TSC22D1: variants seen among roughly 807,000 people sequenced by gnomAD.
TSC22D1 encodes TSC22 domain family protein 1.
In TSC22D1, 9 loss-of-function variants were observed where a neutral mutation model predicts 74.2. The ratio of observed to expected loss-of-function variants is 0.12; its 90% CI spans 0.07 to 0.21. The LOEUF (loss-of-function observed/expected upper bound fraction) is 0.21, where lower values mean the gene tolerates loss of function less well. Among genes scored for constraint, TSC22D1 ranks in the 10% least tolerant of loss-of-function variants. The probability of loss-of-function intolerance (pLI) is 1.00; values close to 1 mark genes in which losing one functional copy is unlikely to be tolerated. For missense variants in TSC22D1, 1,427 were observed against 1,304.7 expected (o/e 1.09, Z -1.44); for synonymous variants, 586 against 492.5 (o/e 1.19, Z -2.51).
intron 1 of TSC22D1, chr13:44,537,607 A>C: frequency 1.0e-6 from 1 of 984,596 alleles, no homozygotes; most frequent in Non-Finnish European, 1.2e-6. Context: ...TGTTTTTTTT[A>C]ATTTATATGT....
At chr13:44,493,861 C>T (rs1009746337) in intron 1 of TSC22D1, among the ~76,000 whole-genome samples, 1 of 152,168 alleles carries the variant, frequency 6.6e-6, no homozygotes, top group Non-Finnish European at 1.5e-5. Flanking sequence ...TCTGTCAAAA[C>T]AATTGCTAAC....
intron 1 of TSC22D1, among the ~76,000 whole-genome samples, chr13:44,515,511 C>T (rs1453810118): frequency 6.6e-6 from 1 of 151,196 alleles, no homozygotes; most frequent in African/African-American, 2.4e-5. Flanking sequence ...AATCTCGGTT[C>T]TCTGCAGCCT....
chr13:44,492,764 T>C (rs1878785853), intron 1 of TSC22D1, among the ~76,000 whole-genome samples: 2 of 152,202 alleles, frequency 1.3e-5, no homozygotes, highest in Non-Finnish European at 2.9e-5. Context: ...AAGTTTGGTA[T>C]TAGATTCACA....
At chr13:44,556,709 T>C (rs1435103596) in intron 1 of TSC22D1, among the ~76,000 whole-genome samples, 2 of 151,712 alleles carry the variant, frequency 1.3e-5, no homozygotes, top group Admixed American at 6.6e-5. Flanking sequence ...CTACTAAAAA[T>C]ACAAAAACTA....
intron 1 of TSC22D1, among the ~76,000 whole-genome samples, chr13:44,522,591 T>C (rs1264899718): frequency 6.6e-6 from 1 of 152,158 alleles, no homozygotes; most frequent in African/African-American, 2.4e-5. Context: ...GACAATTCAG[T>C]GGAGAAGGAA....
At chr13:44,559,867 T>A (rs1044999558) in intron 1 of TSC22D1, among the ~76,000 whole-genome samples, 2 of 151,982 alleles carry the variant, frequency 1.3e-5, no homozygotes, top group African/African-American at 4.8e-5. Context: ...CATTTTTGTA[T>A]TTTTAGTAGA....
intron 1 of TSC22D1, among the ~76,000 whole-genome samples, chr13:44,552,160 T>A (rs1296747113): frequency 6.6e-6 from 1 of 152,222 alleles, no homozygotes; most frequent in Non-Finnish European, 1.5e-5. Flanking sequence ...TAACCATCTT[T>A]TAGCCCCAAA....
chr13:44,576,180 T>A lies in TSC22D1; in HGVS notation c.-106A>T. The A allele has an allele frequency of 1.4e-6, 2 of 1,394,070 alleles. No individual in the cohort carries two copies. The highest frequency in any genetic ancestry group is 1.9e-6 in the Non-Finnish European group (2 of 1,065,434). The allele number at this position is 1,394,070 out of a possible 1,614,324, so 86.4% of individuals were successfully genotyped here. ...GGAAAACGGGACCTGACGCTCCGCC[T>A]GGCGCGATTCCTCCTTCTCCTCCTC... On this transcript the variant is annotated 5_prime_UTR_variant, in exon 1 of 3. Coordinates refer to ENST00000458659, the MANE Select transcript of TSC22D1 (RefSeq NM_183422.4).
At chr13:44,521,400 G>T (rs1385932000) in intron 1 of TSC22D1, among the ~76,000 whole-genome samples, 1 of 151,724 alleles carries the variant, frequency 6.6e-6, no homozygotes, top group Non-Finnish European at 1.5e-5. Flanking sequence ...ATTAAATACA[G>T]CTCATTCTTA....
chr13:44,571,921 G>A (rs1883793310), intron 1 of TSC22D1, among the ~76,000 whole-genome samples: 1 of 152,014 alleles, frequency 6.6e-6, no homozygotes, highest in African/African-American at 2.4e-5. Context: ...AAACCTCACT[G>A]AAACATTTGA....
At chr13:44,503,615 A>G (rs1459273139) in intron 1 of TSC22D1, among the ~76,000 whole-genome samples, 1 of 152,202 alleles carries the variant, frequency 6.6e-6, no homozygotes, top group East Asian at 1.9e-4. Flanking sequence ...AGAATAGAAA[A>G]GTCTTTCAGT....
intron 1 of TSC22D1, 101 bp downstream of exon 1, chr13:44,573,057 AAACAC>A: frequency 6.9e-7 from 1 of 1,446,662 alleles, no homozygotes; most frequent in South Asian, 1.5e-5. Context: ...TTCACATACA[AAACAC>A]AATATACAAT....
chr13:44,469,543 T>C (rs1323836851), intron 1 of TSC22D1, among the ~76,000 whole-genome samples: 1 of 152,186 alleles, frequency 6.6e-6, no homozygotes, highest in Non-Finnish European at 1.5e-5. Flanking sequence ...AAGTTCAGAG[T>C]TAGTTTTAGA....
intron 1 of TSC22D1, among the ~76,000 whole-genome samples, chr13:44,465,818 C>A (rs1428497081): frequency 6.6e-6 from 1 of 152,030 alleles, no homozygotes; most frequent in Non-Finnish European, 1.5e-5. Context: ...ACTAAAAATA[C>A]AAAAATTAGC....
intron 1 of TSC22D1, among the ~76,000 whole-genome samples, chr13:44,498,524 A>G (rs1879078319): frequency 1.3e-5 from 2 of 152,218 alleles, no homozygotes; most frequent in Admixed American, 6.5e-5. Flanking sequence ...GTTGGTATAC[A>G]GTTATACCAC....
chr13:44,474,491 T>A lies in TSC22D1; in HGVS notation c.2913-38396A>T, dbSNP rs376651226. On this transcript the variant is annotated intron_variant, in intron 1 of 2. Transcript: ENST00000458659. ...TTTCAAGCATTTTAAAAGGCATGGG[T>A]GATTTTCTTTAGGTTTTCTTAGAGT... Among the ~76,000 whole-genome samples the A allele has an allele frequency of 9.1e-4, 139 of 152,334 alleles. 2 individuals are homozygous for A. Among genetic ancestry groups the A allele is most frequent in the African/African-American group, 3.3e-3 (136 of 41,574 alleles).
At chr13:44,496,057 GA>G (rs1304089849) in intron 1 of TSC22D1, among the ~76,000 whole-genome samples, 1 of 152,088 alleles carries the variant, frequency 6.6e-6, no homozygotes, top group Non-Finnish European at 1.5e-5. Flanking sequence ...AAATATTTGT[GA>G]ATTGTATAAG....
intron 1 of TSC22D1, among the ~76,000 whole-genome samples, chr13:44,523,353 C>T (rs1262531709): frequency 2.0e-5 from 3 of 152,158 alleles, no homozygotes; most frequent in Non-Finnish European, 2.9e-5. Flanking sequence ...GGAATGTTTG[C>T]GGCAGCTTTA....
intron 1 of TSC22D1, among the ~76,000 whole-genome samples, chr13:44,547,465 C>T (rs1383310268): frequency 6.6e-6 from 1 of 152,106 alleles, no homozygotes; most frequent in Non-Finnish European, 1.5e-5. Context: ...AAATTAACTC[C>T]AGACTACAGC....
Sources: allele counts gnomAD v4.1 joint callset (sites outside exome capture counted in the v4.1 genomes callset), GRCh38; gene constraint gnomAD v4.1.1; transcripts MANE v1.5; gene names NCBI Gene and HGNC (gene_info 2026-07-23, HGNC 2026-07-21).